Variants in PPAT observed in about 807,000 individuals in gnomAD.
PPAT encodes the protein phosphoribosyl pyrophosphate amidotransferase, also known as amidophosphoribosyltransferase.
A neutral mutation model predicts 60.2 loss-of-function variants in PPAT; 20 were observed. The ratio of observed to expected loss-of-function variants is 0.33; its 90% CI spans 0.23 to 0.48. The LOEUF is 0.48. PPAT is among the 20% of genes least tolerant of loss of function. The pLI is 0.99. For synonymous variants in PPAT, 194 were observed against 215.1 expected, an observed-to-expected ratio of 0.90 and a Z score of 0.86; for missense variants, 349 against 629.6, an observed-to-expected ratio of 0.55 and a Z score of 4.77.
intron 1 of PPAT, among the ~76,000 whole-genome samples, chr4:56,417,796 ATAAAT>A (rs1716834718): frequency 6.6e-6 from 1 of 151,492 alleles, no homozygotes; most frequent in African/African-American, 2.4e-5. Context: ...AAGAAACAAA[ATAAAT>A]TATGATTAAT....
chr4:56,405,067 C>G (rs988765569), intron 3 of PPAT, among the ~76,000 whole-genome samples: 9 of 145,038 alleles, frequency 6.2e-5, no homozygotes, highest in African/African-American at 2.1e-4. Context: ...AAGGAAGCTA[C>G]TAGGAATGAA....
chr4:56,406,776 C>T (rs1716252768), intron 2 of PPAT, 75 bp from the exon 3 acceptor site: 2 of 994,864 alleles, frequency 2.0e-6, no homozygotes, highest in South Asian at 2.9e-5. Flanking sequence ...TCTTCTCTGC[C>T]CAGCCAATCC....
intron 8 of PPAT, 81 bp from the exon 9 acceptor site, chr4:56,399,481 C>A: frequency 1.9e-6 from 2 of 1,049,042 alleles, no homozygotes; most frequent in East Asian, 2.6e-5. Context: ...GTTGCCGCCA[C>A]AATATTCAAG....
In PPAT at chr4:56,394,624, T is replaced by C. The variant is rs990913778; in HGVS notation, c.*728A>G. On this transcript the variant is annotated 3_prime_UTR_variant, in exon 11 of 11. Transcript: ENST00000264220. ...CTTTTTAGGACATCTCAAAGAGAGA[T>C]GGCAAAGATCTGCCAATTATGTCTC... 6.0e-4 allele frequency: 92 copies of C among 152,294 alleles called. No individual in the cohort carries two copies. Among genetic ancestry groups the C allele is most frequent in the African/African-American group, 2.1e-3 (87 of 41,582 alleles). 9.4% of individuals were successfully genotyped at this position (152,294 alleles called of 1,614,324 possible).
At chr4:56,410,980 T>C (rs919146770) in intron 1 of PPAT, 2 of 914,116 alleles carry the variant, frequency 2.2e-6, no homozygotes, top group African/African-American at 1.8e-5. Flanking sequence ...ACTGTAAAAG[T>C]TCAGGACTTC....
intron 1 of PPAT, among the ~76,000 whole-genome samples, chr4:56,427,397 T>C (rs1019157591): frequency 6.6e-6 from 1 of 152,246 alleles, no homozygotes; most frequent in African/African-American, 2.4e-5. Flanking sequence ...TCATATGGCA[T>C]ATGCTGAAAG....
At chr4:56,433,205 T>C (rs757547132) in intron 1 of PPAT, among the ~76,000 whole-genome samples, 1 of 151,834 alleles carries the variant, frequency 6.6e-6, no homozygotes, top group Non-Finnish European at 1.5e-5. Context: ...CCAGCCCTCT[T>C]TGTGCACCTT....
At chr4:56,433,901 A>G (rs1182173404) in intron 1 of PPAT, among the ~76,000 whole-genome samples, 1 of 152,290 alleles carries the variant, frequency 6.6e-6, no homozygotes, top group East Asian at 1.9e-4. Context: ...CATGTTGGCC[A>G]GGATGGTCTC....
At chr4:56,419,710 G>C in intron 1 of PPAT, 4 of 981,774 alleles carry the variant, frequency 4.1e-6, no homozygotes, top group Non-Finnish European at 4.8e-6. Flanking sequence ...CCAGAAGTCA[G>C]GGCTCTAATA....
chr4:56,402,027 CTT>C, intron 6 of PPAT, 80 bp downstream of exon 6: 3 of 1,119,796 alleles, frequency 2.7e-6, no homozygotes, highest in South Asian at 3.3e-5. Context: ...AACTTTCAAA[CTT>C]TCACATAAAT....
intron 1 of PPAT, chr4:56,429,102 T>G (rs1171952619): frequency 5.5e-6 from 1 of 182,242 alleles, no homozygotes; most frequent in African/African-American, 2.4e-5. Context: ...CTTGATAAAT[T>G]AGACTAAATA....
intron 1 of PPAT, among the ~76,000 whole-genome samples, chr4:56,434,573 T>G (rs1226549065): frequency 2.6e-5 from 4 of 152,182 alleles, no homozygotes; most frequent in Non-Finnish European, 5.9e-5. Flanking sequence ...TTTTTCAAAA[T>G]CAAGTGTATG....
At position 56,435,549 on chromosome 4, in the gene PPAT, G is replaced by T. The variant is rs189152163; in HGVS notation, c.-72C>A. ...GTAAGCACCAACCAGCTGCCAGCTC[G>T]GCCCGTCGAGCTCAGAAGCTCGCGC... On this transcript the variant is annotated 5_prime_UTR_variant, in exon 1 of 11. Coordinates refer to ENST00000264220, the MANE Select transcript of PPAT (RefSeq NM_002703.5). The T allele has an allele frequency of 8.2e-4, 1,317 of 1,607,148 alleles. 2 individuals are homozygous for T. The highest frequency in any genetic ancestry group is 1.0e-3 in the Non-Finnish European group (1,217 of 1,176,680).
intron 1 of PPAT, among the ~76,000 whole-genome samples, chr4:56,433,641 C>CATATTT: frequency 6.6e-6 from 1 of 152,026 alleles, no homozygotes; most frequent in African/African-American, 2.4e-5. Flanking sequence ...CACCAGGCAA[C>CATATTT]CCTAAAGACC....
At chr4:56,432,934 G>T (rs1717675711) in intron 1 of PPAT, among the ~76,000 whole-genome samples, 1 of 151,234 alleles carries the variant, frequency 6.6e-6, no homozygotes. Flanking sequence ...AGAGCTTTCT[G>T]CAACAGACCA....
chr4:56,414,440 T>C (rs1248046545), intron 1 of PPAT: 1 of 152,232 alleles, frequency 6.6e-6, no homozygotes. Context: ...ATCCTCAGCC[T>C]CAGAATTCCT....
At chr4:56,401,178 G>C (rs1716100629) in intron 7 of PPAT, 152 bp downstream of exon 7, 4 of 805,008 alleles carry the variant, frequency 5.0e-6, no homozygotes, top group Non-Finnish European at 7.6e-6. Flanking sequence ...GAAAAATAGT[G>C]ATCTTATGAC....
Position 56,401,218 on chromosome 4 carries a change from A to ATAAC in PPAT, c.886+108_886+111dup. The ATAAC allele has an allele frequency of 3.9e-6, 4 of 1,024,462 alleles. No homozygotes were observed. The South Asian group carries it at 7.0e-5, about 18-fold the overall frequency. 63.5% of individuals were successfully genotyped at this position (1,024,462 alleles called of 1,614,324 possible). Reference sequence around the variant, plus strand: ...GGGCTCAGTCCTATATCCACAACATATAACTATATGCCTTCAAAGAGCCAG... The same window carrying ATAAC: ...GGGCTCAGTCCTATATCCACAACATATAACTAACTATATGCCTTCAAAGAGCCAG... On this transcript the variant is annotated intron_variant, in intron 7 of 10. Transcript: ENST00000264220.
Position 56,406,482 on chromosome 4 carries a change from C to G in PPAT, c.402+13G>C. 6.2e-7 allele frequency: 1 copy of G among 1,606,580 alleles called. No individual in the cohort carries two copies. Among genetic ancestry groups the G allele is most frequent in the Non-Finnish European group, 8.5e-7 (1 of 1,175,000 alleles). On this transcript the variant is annotated intron_variant, in intron 3 of 10. Transcript: ENST00000264220. ...TTTAAAAAGGCCTAGGGAAAACAAA[C>G]AAACAAACGTACCTTTTTCCTTAAT...
Sources: gnomAD v4.1 joint callset for allele counts (sites outside exome capture counted in the v4.1 genomes callset) on GRCh38, gnomAD v4.1.1 for gene constraint, MANE v1.5 for transcripts, NCBI Gene and HGNC (gene_info 2026-07-23, HGNC 2026-07-21) for gene names.